PSMA2: variants seen among roughly 807,000 people sequenced by gnomAD.
The protein encoded by PSMA2 is proteasome 20S subunit alpha 2.
In PSMA2, 2 loss-of-function variants were observed where a neutral mutation model predicts 35.9. That is an observed-to-expected ratio of 0.06 (90% confidence interval 0.02 to 0.18). The LOEUF is 0.18. Ranked by LOEUF, PSMA2 falls within the 10% of genes least tolerant of loss-of-function variation. The probability of loss-of-function intolerance (pLI) is 1.00; values close to 1 mark genes in which losing one functional copy is unlikely to be tolerated. For synonymous variants in PSMA2, 97 were observed against 98.2 expected, an observed-to-expected ratio of 0.99 and a Z score of 0.07; for missense variants, 126 against 278.8, an observed-to-expected ratio of 0.45 and a Z score of 3.90.
chr7:42,926,679 AAGAG>A lies in PSMA2; in HGVS notation c.119-15_119-12del, dbSNP rs370265156. 1,038 of 1,588,524 alleles carry A rather than the reference AAGAG, an allele frequency of 6.5e-4. 11 individuals carry two copies. In the East Asian group the frequency reaches 0.021, roughly 33 times the overall value. The stretch of plus-strand genomic sequence containing the variant: ...CCACACCATTTGCAGCTTAAAAAAA[AAGAG>A]AGAGACATAAATGTTTAATCATTTT... On this transcript the variant is annotated splice_polypyrimidine_tract_variant and intron_variant, in intron 2 of 7. Coordinates refer to ENST00000223321, the MANE Select transcript of PSMA2 (RefSeq NM_002787.5).
chr7:42,922,749 G>A (rs1786144824), intron 5 of PSMA2, among the ~76,000 whole-genome samples: 1 of 152,158 alleles, frequency 6.6e-6, no homozygotes, highest in Admixed American at 6.5e-5. Context: ...AAACATGAAA[G>A]ATCATTTCCT....
chr7:42,917,609 T>C lies in PSMA2; in HGVS notation c.670A>G (p.Thr224Ala), dbSNP rs778836202. ...GCAGCCAAGTAATCCTTAACTTCAG[T>C]TGGAGTAAGCCTCCTAAATCCAGCT... ...NEAGFRRLTP[T>A]EVKDYLAAIA Residue 224 changes from threonine to alanine, a missense_variant, in exon 8 of 8, where the codon ACT becomes GCT. By Grantham distance (58) the Thr-to-Ala change is moderately conservative. Coordinates refer to ENST00000223321, the MANE Select transcript of PSMA2 (RefSeq NM_002787.5). 5 of 1,612,742 alleles carry C rather than the reference T, an allele frequency of 3.1e-6. No individual in the cohort carries two copies. Among genetic ancestry groups the C allele is most frequent in the East Asian group, 2.2e-5 (1 of 44,820 alleles).
Position 42,926,686 on chromosome 7 carries a change from A to G in PSMA2, c.119-18T>C, listed in dbSNP as rs1277591757. Reference sequence around the variant, plus strand: ...ATTTGCAGCTTAAAAAAAAAGAGAGAGACATAAATGTTTAATCATTTTTAA... The same window carrying G: ...ATTTGCAGCTTAAAAAAAAAGAGAGGGACATAAATGTTTAATCATTTTTAA... On this transcript the variant is annotated intron_variant, in intron 2 of 7. Coordinates refer to ENST00000223321, the MANE Select transcript of PSMA2 (RefSeq NM_002787.5). The G allele has an allele frequency of 1.3e-6, 2 of 1,585,648 alleles. No homozygotes were observed. The highest frequency in any genetic ancestry group is 1.2e-5 in the South Asian group (1 of 85,732).
chr7:42,919,519 T>C, intron 6 of PSMA2: 1 of 511,406 alleles, frequency 2.0e-6, no homozygotes, highest in Non-Finnish European at 3.9e-6. Flanking sequence ...AAACAGATTC[T>C]TTCTTCTGAT....
chr7:42,920,036 T>G (rs1191431482), intron 6 of PSMA2: 4 of 676,092 alleles, frequency 5.9e-6, no homozygotes, highest in Admixed American at 5.8e-5. Flanking sequence ...CTAGAAGAAA[T>G]TGCTTCAGAG....
intron 1 of PSMA2, among the ~76,000 whole-genome samples, chr7:42,931,412 C>G (rs915692123): frequency 6.6e-6 from 1 of 152,172 alleles, no homozygotes; most frequent in South Asian, 2.1e-4. Flanking sequence ...GGAAAGTAAA[C>G]TTATTATTCT....
intron 6 of PSMA2, 104 bp from the exon 7 acceptor site, chr7:42,917,939 T>A: frequency 1.3e-6 from 1 of 750,358 alleles, no homozygotes; most frequent in Non-Finnish European, 2.1e-6. Context: ...CTAAACATCT[T>A]AAAAATACTA....
chr7:42,919,501 G>A (rs1786090112), intron 6 of PSMA2: 1 of 519,426 alleles, frequency 1.9e-6, no homozygotes, highest in Non-Finnish European at 3.8e-6. Context: ...CTATGGTACA[G>A]TGAGGATAAA....
chr7:42,926,480 A>C, intron 3 of PSMA2, 56 bp downstream of exon 3: 1 of 1,467,864 alleles, frequency 6.8e-7, no homozygotes, highest in Non-Finnish European at 9.0e-7. Flanking sequence ...TCCTGAAAAT[A>C]CAGATTACAA....
chr7:42,924,923 G>A, intron 3 of PSMA2, 126 bp from the exon 4 acceptor site: 1 of 839,862 alleles, frequency 1.2e-6, no homozygotes, highest in Non-Finnish European at 1.7e-6. Context: ...GTGGCTATTG[G>A]ATCAAAGCTA....
At chr7:42,931,442 G>C (rs1436394457) in intron 1 of PSMA2, among the ~76,000 whole-genome samples, 1 of 152,108 alleles carries the variant, frequency 6.6e-6, no homozygotes, top group Admixed American at 6.5e-5. Context: ...TTCTACAATA[G>C]AAAAACCTAC....
rs770417523 is a variant in PSMA2 at position 42,917,761 on chromosome 7, T to C, written c.588+17A>G. 6 of 1,611,694 alleles carry C rather than the reference T, an allele frequency of 3.7e-6. No homozygotes were observed. The highest frequency in any genetic ancestry group is 2.2e-5 in the South Asian group (2 of 90,960). ...CATGAAATCATTATAAATCCAGTTG[T>C]TGAATACTGAGCTAACCTTTAGGGT... On this transcript the variant is annotated intron_variant, in intron 7 of 7. Coordinates refer to ENST00000223321, the MANE Select transcript of PSMA2 (RefSeq NM_002787.5).
intron 3 of PSMA2, among the ~76,000 whole-genome samples, chr7:42,925,051 A>G (rs953967501): frequency 3.3e-5 from 5 of 152,156 alleles, no homozygotes; most frequent in African/African-American, 1.2e-4. Flanking sequence ...ATCTTGCTCC[A>G]CGGCTTCTTC....
Position 42,926,680 on chromosome 7 carries a change from A to G in PSMA2, c.119-12T>C, listed in dbSNP as rs1314749435. 6.3e-6 allele frequency: 10 copies of G among 1,584,800 alleles called. No homozygotes were observed. Among genetic ancestry groups the G allele is most frequent in the Non-Finnish European group, 7.7e-6 (9 of 1,171,534 alleles). ...CACACCATTTGCAGCTTAAAAAAAA[A>G]GAGAGAGACATAAATGTTTAATCAT... is the stretch of plus-strand genomic sequence containing the variant. On this transcript the variant is annotated splice_polypyrimidine_tract_variant and intron_variant, in intron 2 of 7. Transcript: ENST00000223321.
chr7:42,931,911 C>A (rs979662737), intron 1 of PSMA2, among the ~76,000 whole-genome samples: 13 of 4,056 alleles, frequency 3.2e-3, no homozygotes, highest in Non-Finnish European at 9.7e-3. Flanking sequence ...AAACCGCATC[C>A]CCCCGACCCT....
rs557669681 is a variant in PSMA2, at chr7:42,930,246, CACAA to C, written c.41+1868_41+1871del. Among the ~76,000 whole-genome samples the C allele has an allele frequency of 8.9e-3, 1,068 of 120,366 alleles. 16 individuals carry two copies. Among genetic ancestry groups the C allele is most frequent in the African/African-American group, 0.031 (1,031 of 33,102 alleles). 79.0% of individuals were successfully genotyped at this position (120,366 alleles called of 152,430 possible). On this transcript the variant is annotated intron_variant, in intron 1 of 7. Coordinates refer to ENST00000223321, the MANE Select transcript of PSMA2 (RefSeq NM_002787.5). ...ACACGCACACACACACACACACACA[CACAA>C]GTTTGGTTTTTTTAAAAAAAACTTT...
intron 6 of PSMA2, chr7:42,920,823 T>C (rs1168779984): frequency 6.6e-6 from 1 of 152,104 alleles, no homozygotes; most frequent in Non-Finnish European, 1.5e-5. Flanking sequence ...TATTCAGCCA[T>C]AAAAAAATGA....
intron 4 of PSMA2, among the ~76,000 whole-genome samples, chr7:42,924,237 G>T (rs960896136): frequency 6.6e-6 from 1 of 150,920 alleles, no homozygotes; most frequent in Non-Finnish European, 1.5e-5. Flanking sequence ...CACGCCTGTG[G>T]TGCCAGCTAC....
chr7:42,926,221 C>T (rs910056414), intron 3 of PSMA2, among the ~76,000 whole-genome samples: 10 of 152,134 alleles, frequency 6.6e-5, no homozygotes, highest in South Asian at 2.1e-4. Context: ...ACTGCACTGG[C>T]GAAAACTAAA....
Sources: allele counts gnomAD v4.1 joint callset (sites outside exome capture counted in the v4.1 genomes callset), GRCh38; gene constraint gnomAD v4.1.1; transcripts MANE v1.5; gene names NCBI Gene and HGNC (gene_info 2026-07-23, HGNC 2026-07-21).